Variants in HK3 observed in about 807,000 individuals in gnomAD.
HK3 encodes hexokinase 3, also known as hexokinase-3.
A neutral mutation model predicts 91.0 loss-of-function variants in HK3; 93 were observed. The observed-to-expected ratio is 1.02, with a 90% CI of 0.86 to 1.21. HK3 has a LOEUF of 1.21. HK3 is among the 50% of genes most tolerant of loss of function. HK3 has a pLI of 0.00. For synonymous variants in HK3, 519 were observed against 516.9 expected (o/e 1.00, Z -0.06); for missense variants, 1,235 against 1,247.4 (o/e 0.99, Z 0.15).
In HK3 at chr5:176,887,767, A is replaced by G. The variant is rs373230276; in HGVS notation, c.1305-21T>C. Reference sequence around the variant, plus strand: ...AGAACCTACAGATACATACAGGTGCACCCGGCTTGGCCCTGGACCCCCAGA... The same window carrying G: ...AGAACCTACAGATACATACAGGTGCGCCCGGCTTGGCCCTGGACCCCCAGA... On this transcript the variant is annotated intron_variant, in intron 10 of 18. Transcript: ENST00000292432. This position sits in a 1 kb window ranked among gnomAD's most constrained non-coding sequence, Gnocchi z 4.9. The G allele has an allele frequency of 2.1e-4, 329 of 1,582,166 alleles. No individual in the cohort carries two copies. Among genetic ancestry groups the G allele is most frequent in the Non-Finnish European group, 2.7e-4 (318 of 1,160,188 alleles).
At chr5:176,895,922 G>A in intron 2 of HK3, 142 bp downstream of exon 2, 3 of 702,044 alleles carry the variant, frequency 4.3e-6, no homozygotes, top group South Asian at 1.6e-5. Context: ...AGCATGAAAG[G>A]AGATCGTTAC....
At chr5:176,885,712 G>T (rs930543397) in intron 13 of HK3, among the ~76,000 whole-genome samples, 1 of 151,854 alleles carries the variant, frequency 6.6e-6, no homozygotes, top group Non-Finnish European at 1.5e-5. Context: ...GAGCCACCGC[G>T]CCCAGCCTTC....
chr5:176,882,624 C>T (rs10056854), intron 15 of HK3, among the ~76,000 whole-genome samples: 26,816 of 152,202 alleles, frequency 0.18, 5,840 homozygotes, highest in African/African-American at 0.52. Flanking sequence ...TCTGTGCCCC[C>T]GTGGAAGCAC....
At chr5:176,882,225 C>G (rs1478279528) in intron 15 of HK3, 98 bp from the exon 16 acceptor site, 3 of 1,213,354 alleles carry the variant, frequency 2.5e-6, no homozygotes, top group Admixed American at 3.9e-5. Flanking sequence ...CGGGCTCACT[C>G]TCTCTACCTC....
Position 176,880,888 on chromosome 5 carries a change from T to C in HK3, c.*185A>G, listed in dbSNP as rs1758405432. On this transcript the variant is annotated 3_prime_UTR_variant, in exon 19 of 19. Transcript: ENST00000292432. ...CGTGAATGTAAATAAATTATATATATATATTGCTAACCTGAGTGCTACTTC... is the reference window on the plus strand; with the variant it reads ...CGTGAATGTAAATAAATTATATATACATATTGCTAACCTGAGTGCTACTTC... The C allele has an allele frequency of 5.3e-6, 3 of 569,430 alleles. No homozygotes were observed. Among genetic ancestry groups the C allele is most frequent in the Non-Finnish European group, 8.9e-6 (3 of 336,470 alleles). The allele number at this position is 569,430 out of a possible 1,614,324, so 35.3% of individuals were successfully genotyped here.
At chr5:176,898,405 G>A (rs1416803860) in intron 1 of HK3, among the ~76,000 whole-genome samples, 1 of 152,150 alleles carries the variant, frequency 6.6e-6, no homozygotes, top group Non-Finnish European at 1.5e-5. Context: ...ATAGGGGTGT[G>A]GAATTCTTGT....
At chr5:176,882,576 C>T (rs1193788711) in intron 15 of HK3, among the ~76,000 whole-genome samples, 1 of 152,178 alleles carries the variant, frequency 6.6e-6, no homozygotes, top group Non-Finnish European at 1.5e-5. Context: ...ACAGTCTGGC[C>T]AGAGGTCAGG....
At position 176,881,441 on chromosome 5, in the gene HK3, G is replaced by C; in HGVS notation, c.2488C>G (p.Gln830Glu). 1 of 1,611,132 alleles carries C rather than the reference G, an allele frequency of 6.2e-7. No homozygotes were observed. The highest frequency in any genetic ancestry group is 8.5e-7 in the Non-Finnish European group (1 of 1,180,024). ...DDALMVLEVC[Q>E]AVSQRAAQLC... is the part of the protein sequence containing the mutation. ...TGGGCAGCCCTCTGGGACACAGCCT[G>C]GCACACCTCTAGCACCATCAGGGCG... Residue 830 changes from glutamine to glutamate, a missense_variant, in exon 18 of 19, where the codon CAG (glutamine) becomes GAG (glutamate). Physicochemically the swap from Gln to Glu is conservative, Grantham distance 29. Transcript: ENST00000292432.
In HK3 at chr5:176,896,203, C is replaced by T. The variant is rs989066538; in HGVS notation, c.-26-18G>A. Reference sequence around the variant, plus strand: ...GTGGCCACCTATGGGAGAAAAGGGACAACCTGGGTCAACCATTTACTCTAT... The same window carrying T: ...GTGGCCACCTATGGGAGAAAAGGGATAACCTGGGTCAACCATTTACTCTAT... On this transcript the variant is annotated intron_variant, in intron 1 of 18. Coordinates refer to ENST00000292432, the MANE Select transcript of HK3 (RefSeq NM_002115.3). 7.1e-7 allele frequency: 1 copy of T among 1,403,350 alleles called. No individual in the cohort carries two copies. The allele number at this position is 1,403,350 out of a possible 1,614,324, so 86.9% of individuals were successfully genotyped here.
rs934187812 is a variant in HK3, at chr5:176,884,867, G to A, written c.1858-733C>T. Among the ~76,000 whole-genome samples, 1 of 152,202 alleles carries A rather than the reference G, an allele frequency of 6.6e-6. No individual in the cohort carries two copies. Among genetic ancestry groups the A allele is most frequent in the Non-Finnish European group, 1.5e-5 (1 of 68,034 alleles). On this transcript the variant is annotated intron_variant, in intron 13 of 18. Coordinates refer to ENST00000292432, the MANE Select transcript of HK3 (RefSeq NM_002115.3). This position sits in a 1 kb window ranked among gnomAD's most constrained non-coding sequence, Gnocchi z 4.1. ...GCTCAGAGGAGGAGCATGGAGGGTA[G>A]GTCAGGAAATCTTTGGGGCAGAAGA...
intron 1 of HK3, among the ~76,000 whole-genome samples, chr5:176,898,939 C>A (rs1273808782): frequency 6.6e-6 from 1 of 152,088 alleles, no homozygotes; most frequent in Non-Finnish European, 1.5e-5. Flanking sequence ...GTGAGACTAG[C>A]CTGGGCAACA....
Position 176,889,379 on chromosome 5 carries a change from AC to A in HK3, c.914+1del, listed in dbSNP as rs1758697974. The A allele has an allele frequency of 6.2e-7, 1 of 1,612,620 alleles. No homozygotes were observed. On this transcript the variant is annotated splice_donor_variant, in intron 8 of 18. Coordinates refer to ENST00000292432, the MANE Select transcript of HK3 (RefSeq NM_002115.3). LOFTEE classifies it high-confidence loss of function. ...AAAGGTCAGGGCCCCCTGCCAGGTC[AC>A]CTCTGAGCACCAGGATTCAGGGACT... is the stretch of plus-strand genomic sequence containing the variant.
In HK3 at chr5:176,881,475, G is replaced by T; in HGVS notation, c.2454C>A (p.Thr818=). ...AILEDLGLPL[T]SDDALMVLEV... ...CTAGCACCATCAGGGCGTCATCTGA[G>T]GTCAGGGGTAGCCCCAGATCCTCTA... The change falls in exon 18 of 19, where the codon ACC becomes ACA. Residue 818 remains threonine (T), a synonymous_variant. Coordinates refer to ENST00000292432, the MANE Select transcript of HK3 (RefSeq NM_002115.3). The T allele has an allele frequency of 6.2e-7, 1 of 1,608,308 alleles. No homozygotes were observed.
At position 176,887,725 on chromosome 5, in the gene HK3, C is replaced by A. The variant is rs61738621; in HGVS notation, c.1326G>T (p.Gly442=). 9.5e-5 allele frequency: 153 copies of A among 1,611,646 alleles called. 1 individual carries two copies. The Middle Eastern group carries it at 9.9e-4, about 10-fold the overall frequency. Residue 442 remains glycine, a synonymous_variant, in exon 11 of 19, where the codon GGG becomes GGT. Transcript: ENST00000292432. This position sits in a 1 kb window ranked among gnomAD's most constrained non-coding sequence, Gnocchi z 4.9. ...RHPRFCSVLQ[G]TVMLLAPECD... ...ATTCCGGGGCCAGGAGCATCACTGT[C>A]CCCTGCAGGACGCTGCAGAACCTAC...
chr5:176,886,924 C>T, intron 13 of HK3, 78 bp downstream of exon 13: 2 of 1,558,222 alleles, frequency 1.3e-6, no homozygotes, highest in Non-Finnish European at 8.7e-7. Context: ...AGCCTTTTCC[C>T]CTGCCTCCTG....
In HK3 at chr5:176,895,628, C is replaced by T. The variant is rs193017599; in HGVS notation, c.96+436G>A. On this transcript the variant is annotated intron_variant, in intron 2 of 18. Transcript: ENST00000292432. Reference sequence around the variant, plus strand: ...AAATCGTCTGTGTGCCTGATTGTAGCGGCTACATTGAGGGAGACATGCAGG... The same window carrying T: ...AAATCGTCTGTGTGCCTGATTGTAGTGGCTACATTGAGGGAGACATGCAGG... 1.9e-3 allele frequency among the ~76,000 whole-genome samples: 289 copies of T among 152,252 alleles called. 2 individuals are homozygous for T. The highest frequency in any genetic ancestry group is 6.6e-3 in the African/African-American group (276 of 41,546).
chr5:176,881,933 C>T lies in HK3; in HGVS notation c.2237+11G>A. ...CACAGCCAGCCACCACTGCCTGGGC[C>T]CAGCCCACACCTCTGCTTGCCGGGG... On this transcript the variant is annotated intron_variant, in intron 16 of 18. Coordinates refer to ENST00000292432, the MANE Select transcript of HK3 (RefSeq NM_002115.3). 2 of 1,613,352 alleles carry T rather than the reference C, an allele frequency of 1.2e-6. No homozygotes were observed. Among genetic ancestry groups the T allele is most frequent in the South Asian group, 1.1e-5 (1 of 91,080 alleles).
rs373277952 is a variant in HK3, at chr5:176,887,293, G to A, written c.1645C>T (p.Arg549Cys). The change falls in exon 12 of 19, where the codon CGT becomes TGT. Residue 549 changes from arginine (R) to cysteine (C), a missense_variant. Around this residue, in one of 3 missense-constraint regions of HK3, gnomAD observed 717 missense variants for 751.6 expected, o/e 0.95. Coordinates refer to ENST00000292432, the MANE Select transcript of HK3 (RefSeq NM_002115.3). This position sits in a 1 kb window ranked among gnomAD's most constrained non-coding sequence, Gnocchi z 4.9. ...GTGGTCACACGTACCAGGAGGACACGGAAGTTCGTGCCCCCGAGGTCCAGG... is the reference window on the plus strand; with the variant it reads ...GTGGTCACACGTACCAGGAGGACACAGAAGTTCGTGCCCCCGAGGTCCAGG... ...LALDLGGTNF[R>C]VLLVRVTTGV... 21 of 1,613,878 alleles carry A rather than the reference G, an allele frequency of 1.3e-5. No individual in the cohort carries two copies. The highest frequency in any genetic ancestry group is 6.7e-5 in the East Asian group (3 of 44,876).
In HK3 at chr5:176,881,083, GT is replaced by G; in HGVS notation, c.2761del (p.Thr921LeufsTer42). 4 of 1,603,714 alleles carry G rather than the reference GT, an allele frequency of 2.5e-6. No homozygotes were observed. The highest frequency in any genetic ancestry group is 3.4e-6 in the Non-Finnish European group (4 of 1,174,864). ...AGCCTGGAGGTTTCCTCAGACACGAGTCAACTGCGCAAGGCGGCAGGCAACA... is the reference window on the plus strand; with the variant it reads ...AGCCTGGAGGTTTCCTCAGACACGAGCAACTGCGCAAGGCGGCAGGCAACA... ...TAVACRLAQL[T>X]RV On this transcript the variant is annotated frameshift_variant, in exon 19 of 19. Transcript: ENST00000292432. LOFTEE classifies it high-confidence loss of function.
Sources: gnomAD v4.1 joint callset for allele counts (sites outside exome capture counted in the v4.1 genomes callset) on GRCh38, gnomAD v4.1.1 for gene constraint, gnomAD v4.1.1 regional missense constraint, Gnocchi (gnomAD v3.1) non-coding constraint, MANE v1.5 for transcripts, NCBI Gene and HGNC (gene_info 2026-07-23, HGNC 2026-07-21) for gene names.